TNRC6B: variants seen among roughly 807,000 people sequenced by gnomAD.
TNRC6B encodes trinucleotide repeat-containing gene 6B protein.
A neutral mutation model predicts 203.6 loss-of-function variants in TNRC6B; 52 were observed. The observed-to-expected ratio is 0.26, with a 90% CI of 0.20 to 0.32. The LOEUF is 0.32. TNRC6B is among the 10% of genes least tolerant of loss of function. TNRC6B has a pLI of 1.00. For synonymous variants in TNRC6B, 838 were observed against 845.7 expected (o/e 0.99, Z 0.16); for missense variants, 1,923 against 2,286.2 (o/e 0.84, Z 3.24).
chr22:40,273,564 A>T lies in TNRC6B; in HGVS notation c.3105A>T (p.Ser1035=). The change falls in exon 7 of 23, where the codon TCA becomes TCT. Residue 1035 remains serine (S), a synonymous_variant. Coordinates refer to ENST00000454349, the MANE Select transcript of TNRC6B (RefSeq NM_001162501.2). ...GSQGSASSHN[S]ASWGQGGKKQ... ...AGGGCAGTGCTTCCTCCCACAACTC[A>T]GCAAGCTGGGGACAAGGAGGAAAGA... The T allele has an allele frequency of 6.3e-7, 1 of 1,588,720 alleles. No homozygotes were observed. The highest frequency in any genetic ancestry group is 1.3e-5 in the African/African-American group (1 of 74,502).
At chr22:40,230,325 T>A (rs1031077013) in intron 1 of TNRC6B, among the ~76,000 whole-genome samples, 1 of 149,388 alleles carries the variant, frequency 6.7e-6, no homozygotes, top group African/African-American at 2.5e-5. Context: ...GTTCTCACTC[T>A]GTCGCCCAGA....
intron 3 of TNRC6B, among the ~76,000 whole-genome samples, chr22:40,151,875 A>G (rs78596835): frequency 1.1e-4 from 16 of 150,818 alleles, no homozygotes; most frequent in Non-Finnish European, 1.0e-4. Flanking sequence ...GAAGAAAGAA[A>G]GAAAGAAGAA....
chr22:40,200,032 C>G (rs574752038), intron 1 of TNRC6B, among the ~76,000 whole-genome samples: 2 of 152,088 alleles, frequency 1.3e-5, no homozygotes, highest in South Asian at 2.1e-4. Flanking sequence ...CTCCTGACTT[C>G]AAGTGATCCG....
intron 1 of TNRC6B, among the ~76,000 whole-genome samples, chr22:40,048,328 C>G (rs898256990): frequency 6.6e-6 from 1 of 152,172 alleles, no homozygotes; most frequent in Non-Finnish European, 1.5e-5. Flanking sequence ...ATCACGAGGT[C>G]AGGAGATCAA....
chr22:40,154,003 C>G (rs905064615), intron 3 of TNRC6B, among the ~76,000 whole-genome samples: 1 of 150,920 alleles, frequency 6.6e-6, no homozygotes, highest in Admixed American at 6.6e-5. Flanking sequence ...CTTAGGGTCT[C>G]GCTGTGTTGC....
intron 1 of TNRC6B, among the ~76,000 whole-genome samples, chr22:40,243,468 C>A (rs2070060093): frequency 6.6e-6 from 1 of 152,138 alleles, no homozygotes; most frequent in South Asian, 2.1e-4. Context: ...TTCTATTGAG[C>A]ATGAATTTCA....
intron 5 of TNRC6B, among the ~76,000 whole-genome samples, chr22:40,267,318 A>G (rs1034856468): frequency 1.3e-5 from 2 of 152,238 alleles, no homozygotes; most frequent in Non-Finnish European, 2.9e-5. Flanking sequence ...TCCAAAAGAC[A>G]TATCTTGCCA....
chr22:40,291,751 C>A (rs548917516), intron 12 of TNRC6B, among the ~76,000 whole-genome samples: 1 of 152,318 alleles, frequency 6.6e-6, no homozygotes, highest in East Asian at 1.9e-4. Flanking sequence ...TATACATAAA[C>A]CCTTGCCCAC....
At chr22:40,071,572 A>G (rs73418373) in intron 1 of TNRC6B, among the ~76,000 whole-genome samples, 1,621 of 152,354 alleles carry the variant, frequency 0.011, 22 homozygotes, top group African/African-American at 0.037. Flanking sequence ...ATGGTACAGA[A>G]GTATAAAGGA....
At chr22:40,107,035 C>CCTT (rs746904053) in intron 1 of TNRC6B, 1 of 997,046 alleles carries the variant, frequency 1.0e-6, no homozygotes, top group Non-Finnish European at 1.6e-6. Flanking sequence ...ACAGCAGGAA[C>CCTT]CTTCTTCTTC....
Position 40,178,798 on chromosome 22 carries a change from CTG to C in TNRC6B, c.5+666_5+667del, listed in dbSNP as rs558251712. ...GCGCGCGCTCATTTGCACTGGGTCT[CTG>C]TGTGTGTTCTCAAATGTGCAGCCAG... On this transcript the variant is annotated intron_variant, in intron 1 of 22. Transcript: ENST00000454349. Among the ~76,000 whole-genome samples the C allele has an allele frequency of 1.1e-4, 16 of 152,244 alleles. No homozygotes were observed. The East Asian group carries it at 2.5e-3, about 24-fold the overall frequency.
chr22:40,177,882 A>C (rs2069080876), upstream of TNRC6B: 3 of 1,319,694 alleles, frequency 2.3e-6, no homozygotes, highest in Non-Finnish European at 2.9e-6. Context: ...CCGAAGTCAC[A>C]TGATCTGCCT....
rs576617542 is a variant in TNRC6B at position 40,060,926 on chromosome 22, C to T, written c.-121+15928C>T. Among the ~76,000 whole-genome samples, 83 of 152,194 alleles carry T rather than the reference C, an allele frequency of 5.5e-4. 3 individuals are homozygous for T. In the South Asian group the frequency reaches 0.017, roughly 30 times the overall value. ...AGGAAAACAGGTGTTCTGCATGAAC[C>T]GCATGGTAGGTAGAGTTTAGACACA... is the stretch of plus-strand genomic sequence containing the variant. On this transcript the variant is annotated intron_variant, in intron 1 of 23. Coordinates refer to the TNRC6B transcript ENST00000301923.
intron 1 of TNRC6B, among the ~76,000 whole-genome samples, chr22:40,067,317 A>G (rs1002661294): frequency 6.6e-6 from 1 of 152,156 alleles, no homozygotes; most frequent in South Asian, 2.1e-4. Context: ...GCATGAGCGC[A>G]TATCTGTATT....
chr22:40,202,814 G>A (rs918106633), intron 1 of TNRC6B, among the ~76,000 whole-genome samples: 4 of 152,086 alleles, frequency 2.6e-5, no homozygotes, highest in Admixed American at 6.6e-5. Flanking sequence ...GCTCTTGACC[G>A]TTTACCTCAG....
At chr22:40,269,942 T>G (rs999937164) in intron 5 of TNRC6B, among the ~76,000 whole-genome samples, 180 bp from the exon 6 acceptor site, 3 of 151,758 alleles carry the variant, frequency 2.0e-5, no homozygotes, top group Admixed American at 2.0e-4. Flanking sequence ...GTGAAAAGTT[T>G]AATGTGCATC....
intron 1 of TNRC6B, among the ~76,000 whole-genome samples, chr22:40,046,957 T>C (rs2067694184): frequency 6.6e-6 from 1 of 152,190 alleles, no homozygotes; most frequent in Non-Finnish European, 1.5e-5. Flanking sequence ...AAAAATGTTT[T>C]CAAGTCGGAG....
rs2071442900 is a variant in TNRC6B at position 40,329,569 on chromosome 22, C to T, written c.*6328C>T. 1 of 152,032 alleles carries T rather than the reference C, an allele frequency of 6.6e-6. No individual in the cohort carries two copies. Among genetic ancestry groups the T allele is most frequent in the Admixed American group, 6.6e-5 (1 of 15,264 alleles). 9.4% of individuals were successfully genotyped at this position (152,032 alleles called of 1,614,324 possible). A position where few individuals can be genotyped will look rare whatever the true frequency, so the allele number is the denominator to read the frequency against. On this transcript the variant is annotated 3_prime_UTR_variant, in exon 23 of 23. Coordinates refer to ENST00000454349, the MANE Select transcript of TNRC6B (RefSeq NM_001162501.2). Reference sequence around the variant, plus strand: ...CATCGACCCTCCCTAACCTGCTCACCATACCTCCCCACCCCATGCCTCTGA... The same window carrying T: ...CATCGACCCTCCCTAACCTGCTCACTATACCTCCCCACCCCATGCCTCTGA...
At position 40,161,859 on chromosome 22, in the gene TNRC6B, T is replaced by C. The variant is rs1020799505; in HGVS notation, c.113+5677T>C. ...AGTTTATTGCCATATAATTACTACA[T>C]TAAAATTACACAGCTTTAATTGCAT... is the stretch of plus-strand genomic sequence containing the variant. On this transcript the variant is annotated intron_variant, in intron 4 of 23. Coordinates refer to the TNRC6B transcript ENST00000301923. 1.2e-4 allele frequency among the ~76,000 whole-genome samples: 19 copies of C among 152,210 alleles called. No individual in the cohort carries two copies. The East Asian group carries it at 1.3e-3, about 11-fold the overall frequency.
Sources: gnomAD v4.1 joint callset for allele counts (sites outside exome capture counted in the v4.1 genomes callset) on GRCh38, gnomAD v4.1.1 for gene constraint, MANE v1.5 for transcripts, NCBI Gene and HGNC (gene_info 2026-07-23, HGNC 2026-07-21) for gene names.